Variants in ZFHX3 observed in about 807,000 individuals in gnomAD.
The protein encoded by ZFHX3 is zinc finger homeobox 3.
Under a neutral mutation model 279.1 loss-of-function variants are expected in ZFHX3, and 42 were observed. The observed-to-expected ratio is 0.15, with a 90% CI of 0.12 to 0.19. The LOEUF is 0.19. Among genes scored for constraint, ZFHX3 ranks in the 10% least tolerant of loss-of-function variants. ZFHX3 has a pLI of 1.00. For missense variants in ZFHX3, 4,981 were observed against 4,754.0 expected, an observed-to-expected ratio of 1.05 and a Z score of -1.40; for synonymous variants, 2,293 against 1,957.8, an observed-to-expected ratio of 1.17 and a Z score of -4.52.
At chr16:73,277,649 C>A (rs1597257833) in intron 4 of ZFHX3, among the ~76,000 whole-genome samples, 1 of 152,202 alleles carries the variant, frequency 6.6e-6, no homozygotes, top group African/African-American at 2.4e-5. Context: ...TGAATATTTT[C>A]TGATTCACTC....
chr16:73,134,593 C>T (rs1203886400), intron 6 of ZFHX3: 1 of 152,086 alleles, frequency 6.6e-6, no homozygotes, highest in Non-Finnish European at 1.5e-5. Flanking sequence ...CCTCAGGCTC[C>T]CAAAGTGCTG....
intron 1 of ZFHX3, among the ~76,000 whole-genome samples, chr16:73,738,488 C>A (rs1364308106): frequency 1.3e-5 from 2 of 152,208 alleles, no homozygotes; most frequent in African/African-American, 4.8e-5. Flanking sequence ...GCTGTCTGCA[C>A]AGAGACATGA....
Position 73,412,326 on chromosome 16 carries a change from CAA to C in ZFHX3, c.-1291+43675_-1291+43676del, listed in dbSNP as rs60447973. Among the ~76,000 whole-genome samples the C allele has an allele frequency of 8.9e-3, 1,039 of 117,376 alleles. 12 individuals carry two copies. The highest frequency in any genetic ancestry group is 0.034 in the African/African-American group (967 of 28,476). The allele number at this position is 117,376 out of a possible 152,430, so 77.0% of individuals were successfully genotyped here. On this transcript the variant is annotated intron_variant, in intron 3 of 17. Transcript: ENST00000641206. ...TGGGCAACAGAGTGAGAGACTGTTT[CAA>C]AAAAAAAAAAAAAAAAAAAAAGTAA...
intron 1 of ZFHX3, among the ~76,000 whole-genome samples, chr16:73,816,514 AG>A (rs750059262): frequency 1.6e-4 from 24 of 152,230 alleles, no homozygotes; most frequent in Admixed American, 3.3e-4. Flanking sequence ...GGCAGAAATA[AG>A]CAGTTATGAC....
intron 3 of ZFHX3, among the ~76,000 whole-genome samples, chr16:73,408,593 T>C (rs997347531): frequency 1.3e-5 from 2 of 152,224 alleles, no homozygotes; most frequent in East Asian, 1.9e-4. Context: ...ACTTACTCCT[T>C]TGGGAATGAG....
chr16:72,831,592 G>A (rs1390765731), intron 4 of ZFHX3, among the ~76,000 whole-genome samples: 1 of 152,154 alleles, frequency 6.6e-6, no homozygotes, highest in East Asian at 1.9e-4. Context: ...GGTGTCAGTA[G>A]AGTAATAACA....
intron 3 of ZFHX3, among the ~76,000 whole-genome samples, chr16:72,927,514 A>C (rs569767003): frequency 3.3e-5 from 5 of 152,230 alleles, no homozygotes; most frequent in African/African-American, 1.2e-4. Context: ...CACCTCACAA[A>C]AGGAGGATTT....
rs2035804132 is a variant in ZFHX3 at position 72,793,987 on chromosome 16, G to C, written c.8695C>G (p.Pro2899Ala). 6.2e-7 allele frequency: 1 copy of C among 1,614,196 alleles called. No individual in the cohort carries two copies. The highest frequency in any genetic ancestry group is 8.5e-7 in the Non-Finnish European group (1 of 1,180,032). The part of the protein sequence containing the change: ...RLSSGLVSPA[P>A]SFYSKEYDNE... ...TCATATTCCTTGCTATAAAAGCTCG[G>C]GGCCGGGCTGACCAGACCAGATGAC... The change falls in exon 9 of 10, where the codon CCG (proline) becomes GCG (alanine). Residue 2899 changes from proline (P) to alanine (A), a missense_variant. Around this residue, in one of 7 missense-constraint regions of ZFHX3, gnomAD observed 744 missense variants for 701.3 expected, o/e 1.06. Transcript: ENST00000268489. The surrounding 1 kb of genome is among the most constrained non-coding windows in gnomAD (Gnocchi z 4.3).
In ZFHX3 at chr16:73,278,961, A is replaced by C. The variant is rs962147802; in HGVS notation, c.-1193-21825T>G. 7.2e-5 allele frequency among the ~76,000 whole-genome samples: 11 copies of C among 152,352 alleles called. No individual in the cohort carries two copies. In the East Asian group the frequency reaches 2.1e-3, roughly 29 times the overall value. On this transcript the variant is annotated intron_variant, in intron 4 of 17. Transcript: ENST00000641206. ...CTTCACCTCTCAGCAGGAGTGCTTC[A>C]AAAAATTTTCACCTGTCTTCTGTTT...
At chr16:73,610,888 C>A (rs2052238137) in intron 2 of ZFHX3, among the ~76,000 whole-genome samples, 1 of 152,156 alleles carries the variant, frequency 6.6e-6, no homozygotes, top group Non-Finnish European at 1.5e-5. Context: ...GGAAGCCGAG[C>A]AACTGTATTT....
intron 4 of ZFHX3, among the ~76,000 whole-genome samples, chr16:73,273,085 A>T (rs1345890607): frequency 6.6e-5 from 10 of 152,080 alleles, no homozygotes; most frequent in Admixed American, 6.6e-4. Flanking sequence ...ATACCACTAG[A>T]CAGGGCACAA....
At chr16:73,848,494 C>T (rs1961508040) in intron 1 of ZFHX3, among the ~76,000 whole-genome samples, 1 of 152,106 alleles carries the variant, frequency 6.6e-6, no homozygotes, top group Admixed American at 6.5e-5. Context: ...CGCAATAGAC[C>T]AAAGGAAAGT....
At chr16:72,851,197 A>C (rs2037608883) in intron 4 of ZFHX3, among the ~76,000 whole-genome samples, 1 of 152,178 alleles carries the variant, frequency 6.6e-6, no homozygotes, top group African/African-American at 2.4e-5. Context: ...TGCCCCAGCC[A>C]GATGTTACAC....
At chr16:73,192,896 G>A (rs1412208779) in intron 5 of ZFHX3, among the ~76,000 whole-genome samples, 1 of 152,292 alleles carries the variant, frequency 6.6e-6, no homozygotes, top group Non-Finnish European at 1.5e-5. Context: ...TGGGGAGCTG[G>A]ACACAAGTGG....
rs138076569 is a variant in ZFHX3, at chr16:72,908,463, G to C, written c.3217-18501C>G. 1.5e-3 allele frequency among the ~76,000 whole-genome samples: 228 copies of C among 152,308 alleles called. 1 individual carries two copies. Among genetic ancestry groups the C allele is most frequent in the African/African-American group, 5.2e-3 (215 of 41,576 alleles). ...GTGGAAAGGGGAACTTGAAGATTCAGGACGCCTCCCCTGCCATCTGATTTC... is the reference window on the plus strand; with the variant it reads ...GTGGAAAGGGGAACTTGAAGATTCACGACGCCTCCCCTGCCATCTGATTTC... On this transcript the variant is annotated intron_variant, in intron 3 of 9. Transcript: ENST00000268489.
At chr16:73,160,791 T>TA (rs1288678060) in intron 5 of ZFHX3, among the ~76,000 whole-genome samples, 3 of 150,802 alleles carry the variant, frequency 2.0e-5, no homozygotes, top group Non-Finnish European at 4.4e-5. Flanking sequence ...TTTTTTTTTT[T>TA]AGACAGGATT....
chr16:73,452,753 A>G (rs1292190108), intron 3 of ZFHX3, among the ~76,000 whole-genome samples: 1 of 152,232 alleles, frequency 6.6e-6, no homozygotes, highest in African/African-American at 2.4e-5. Flanking sequence ...TCAAGGTAGA[A>G]CAATAGGATT....
intron 1 of ZFHX3, among the ~76,000 whole-genome samples, chr16:72,999,593 C>T (rs987928627): frequency 4.6e-5 from 7 of 152,190 alleles, no homozygotes; most frequent in African/African-American, 1.7e-4. Flanking sequence ...GAAAACTTCG[C>T]AGGCTCAGTC....
intron 2 of ZFHX3, among the ~76,000 whole-genome samples, chr16:73,475,353 T>C (rs569748993): frequency 1.3e-5 from 2 of 152,296 alleles, no homozygotes; most frequent in East Asian, 1.9e-4. Flanking sequence ...GAAAGCAAAA[T>C]GAAAATAATT....
Sources: allele counts gnomAD v4.1 joint callset (sites outside exome capture counted in the v4.1 genomes callset), GRCh38; gene constraint gnomAD v4.1.1; regional missense constraint gnomAD v4.1.1; non-coding constraint Gnocchi (gnomAD v3.1); transcripts MANE v1.5; gene names NCBI Gene and HGNC (gene_info 2026-07-23, HGNC 2026-07-21).